The following COL13A1 variants were observed in gnomAD, a reference collection of about 807,000 sequenced individuals.
The protein encoded by COL13A1 is collagen type XIII alpha 1 chain.
Under a neutral mutation model 130.9 loss-of-function variants are expected in COL13A1, and 89 were observed. The observed-to-expected ratio is 0.68, with a 90% CI of 0.57 to 0.81. The LOEUF is 0.81. Among genes scored for constraint, COL13A1 ranks in the 30% least tolerant of loss-of-function variants. COL13A1 has a pLI of 0.00. For synonymous variants in COL13A1, 402 were observed against 341.6 expected (o/e 1.18, Z -1.95); for missense variants, 879 against 934.6 (o/e 0.94, Z 0.78).
chr10:69,885,233 A>G (rs1276940484), intron 7 of COL13A1, among the ~76,000 whole-genome samples: 2 of 152,256 alleles, frequency 1.3e-5, no homozygotes, highest in Non-Finnish European at 1.5e-5. Context: ...CAGAAACAAA[A>G]TAAATGCCAA....
intron 6 of COL13A1, among the ~76,000 whole-genome samples, chr10:69,878,588 TCTC>T (rs566576494): frequency 1.4e-4 from 22 of 152,238 alleles, no homozygotes; most frequent in African/African-American, 5.1e-4. Flanking sequence ...TTCAAGCAAT[TCTC>T]CTACCTCAGC....
chr10:69,873,117 A>G (rs570354727), intron 4 of COL13A1, among the ~76,000 whole-genome samples: 8 of 152,160 alleles, frequency 5.3e-5, no homozygotes, highest in Non-Finnish European at 8.8e-5. Flanking sequence ...GGAATCGGGT[A>G]TGGAGAGCAC....
In COL13A1 at chr10:69,933,329, G is replaced by A. The variant is rs77855427; in HGVS notation, c.1728+725G>A. Among the ~76,000 whole-genome samples the A allele has an allele frequency of 5.4e-3, 821 of 152,184 alleles. 10 individuals carry two copies. The highest frequency in any genetic ancestry group is 0.015 in the African/African-American group (617 of 41,518). ...GTTTCAGAGGTAGGCTTTCCAGATA[G>A]AGGCATTATTCTTTTGAGAAGTGTG... is the stretch of plus-strand genomic sequence containing the variant. On this transcript the variant is annotated intron_variant, in intron 31 of 40. Coordinates refer to ENST00000645393, the MANE Select transcript of COL13A1 (RefSeq NM_001368882.1).
intron 4 of COL13A1, among the ~76,000 whole-genome samples, chr10:69,874,515 C>T (rs949600861): frequency 6.6e-6 from 1 of 152,136 alleles, no homozygotes; most frequent in Non-Finnish European, 1.5e-5. Context: ...AAAGCATTTC[C>T]CTTGGAGCAT....
intron 17 of COL13A1, 130 bp from the exon 18 acceptor site, chr10:69,917,159 G>C (rs1213934242): frequency 9.2e-7 from 1 of 1,091,920 alleles, no homozygotes; most frequent in Admixed American, 2.1e-5. Context: ...ACCAGGGCAG[G>C]GTCCTCAGAG....
chr10:69,888,229 C>A, intron 8 of COL13A1, 75 bp from the exon 9 acceptor site: 2 of 1,555,860 alleles, frequency 1.3e-6, no homozygotes, highest in Non-Finnish European at 1.8e-6. Flanking sequence ...CTGTGCTTTT[C>A]CCCACTGCCC....
At chr10:69,816,672 A>G (rs953966851) in intron 1 of COL13A1, among the ~76,000 whole-genome samples, 10 of 152,030 alleles carry the variant, frequency 6.6e-5, no homozygotes, top group African/African-American at 2.4e-4. Context: ...TGGAAGGGAA[A>G]TGGGGAGAGT....
In COL13A1 at chr10:69,914,099, G is replaced by A. The variant is rs368477160; in HGVS notation, c.922-3190G>A. Among the ~76,000 whole-genome samples, 752 of 152,236 alleles carry A rather than the reference G, an allele frequency of 4.9e-3. 3 individuals are homozygous for A. The highest frequency in any genetic ancestry group is 0.017 in the African/African-American group (699 of 41,546). On this transcript the variant is annotated intron_variant, in intron 17 of 40. Transcript: ENST00000645393. ...CCCCAATTAGCCTGGAGACTCTCAC[G>A]CTCCGGGGTTTTGCTCTGCACAGTT...
intron 1 of COL13A1, among the ~76,000 whole-genome samples, chr10:69,811,017 G>A (rs771693267): frequency 6.6e-6 from 1 of 152,190 alleles, no homozygotes; most frequent in Non-Finnish European, 1.5e-5. Flanking sequence ...CTGTCTCCCT[G>A]CCTGGCGGCT....
chr10:69,879,458 G>T (rs1386386228), intron 6 of COL13A1: 4 of 152,238 alleles, frequency 2.6e-5, no homozygotes, highest in Non-Finnish European at 5.9e-5. Context: ...CACAGCTGGT[G>T]GGTAGCAGAG....
chr10:69,877,934 G>A, intron 5 of COL13A1, 105 bp from the exon 6 acceptor site: 1 of 675,102 alleles, frequency 1.5e-6, no homozygotes, highest in Admixed American at 2.1e-5. Context: ...TTTGGTTGTT[G>A]TGCTATGAAC....
chr10:69,953,043 A>C, intron 39 of COL13A1, 75 bp downstream of exon 39: 8 of 1,139,836 alleles, frequency 7.0e-6, no homozygotes, highest in Non-Finnish European at 9.7e-6. Flanking sequence ...AAAGAAGGCA[A>C]ATAAACTAAG....
intron 10 of COL13A1, among the ~76,000 whole-genome samples, chr10:69,889,845 G>T (rs925783383): frequency 6.6e-6 from 1 of 152,154 alleles, no homozygotes; most frequent in African/African-American, 2.4e-5. Flanking sequence ...AACCCCTTCC[G>T]GGTGCTGGCT....
At chr10:69,829,433 C>A (rs1478299308) in intron 2 of COL13A1, among the ~76,000 whole-genome samples, 2 of 152,246 alleles carry the variant, frequency 1.3e-5, no homozygotes, top group Non-Finnish European at 2.9e-5. Context: ...TCCCAGCAGG[C>A]CCCCTGGCAG....
Position 69,894,549 on chromosome 10 carries a change from C to T in COL13A1, c.604-3C>T. The stretch of plus-strand genomic sequence containing the variant: ...CTGACCTGTGTGTGTTTGCTTCCCA[C>T]AGGGTCTGACGGGTCCCCCAGGACA... On this transcript the variant is annotated splice_polypyrimidine_tract_variant and splice_region_variant and intron_variant, in intron 10 of 40. Coordinates refer to ENST00000645393, the MANE Select transcript of COL13A1 (RefSeq NM_001368882.1). 6.2e-7 allele frequency: 1 copy of T among 1,613,968 alleles called. No homozygotes were observed. The highest frequency in any genetic ancestry group is 8.5e-7 in the Non-Finnish European group (1 of 1,179,894).
At chr10:69,888,744 C>G (rs972695334) in intron 9 of COL13A1, among the ~76,000 whole-genome samples, 5 of 152,158 alleles carry the variant, frequency 3.3e-5, no homozygotes, top group African/African-American at 1.2e-4. Context: ...TCAGGGTCTC[C>G]CTCCCCGATT....
At chr10:69,949,731 G>A (rs188310334) in intron 38 of COL13A1, among the ~76,000 whole-genome samples, 78 of 152,282 alleles carry the variant, frequency 5.1e-4, no homozygotes, top group African/African-American at 1.7e-3. Flanking sequence ...AATTTGGCCC[G>A]GGAGCCACCT....
chr10:69,957,255 C>T (rs575021418), intron 40 of COL13A1, among the ~76,000 whole-genome samples: 1 of 152,324 alleles, frequency 6.6e-6, no homozygotes, highest in South Asian at 2.1e-4. Context: ...AAACCCTAGG[C>T]GGAATGTCCA....
intron 2 of COL13A1, among the ~76,000 whole-genome samples, chr10:69,834,911 G>A (rs1414276589): frequency 1.3e-5 from 2 of 152,216 alleles, no homozygotes; most frequent in Admixed American, 6.5e-5. Context: ...CTTACCTGTA[G>A]CCATCGTCTG....
Sources: allele counts gnomAD v4.1 joint callset (sites outside exome capture counted in the v4.1 genomes callset), GRCh38; gene constraint gnomAD v4.1.1; transcripts MANE v1.5; gene names NCBI Gene and HGNC (gene_info 2026-07-23, HGNC 2026-07-21).